ADCY2: variants seen among roughly 807,000 people sequenced by gnomAD.
ADCY2 encodes the protein adenylate cyclase type 2.
ADCY2 carries 31 observed loss-of-function variants against 125.2 expected under a neutral mutation model. That is an observed-to-expected ratio of 0.25 (90% CI 0.19 to 0.33). The LOEUF (loss-of-function observed/expected upper bound fraction) is 0.33, where lower values mean the gene tolerates loss of function less well. Among genes scored for constraint, ADCY2 ranks in the 10% least tolerant of loss-of-function variants. The pLI is 1.00. For synonymous variants in ADCY2, 512 were observed against 548.4 expected, an observed-to-expected ratio of 0.93 and a Z score of 0.93; for missense variants, 904 against 1,418.2, an observed-to-expected ratio of 0.64 and a Z score of 5.82.
intron 1 of ADCY2, among the ~76,000 whole-genome samples, chr5:7,398,709 GTC>G (rs900867603): frequency 1.3e-5 from 2 of 152,184 alleles, no homozygotes; most frequent in African/African-American, 4.8e-5. Context: ...GGGTTACTCA[GTC>G]TGATAGAAAA....
intron 15 of ADCY2, among the ~76,000 whole-genome samples, chr5:7,750,349 G>A (rs1344774871): frequency 1.3e-5 from 2 of 152,032 alleles, no homozygotes; most frequent in African/African-American, 4.8e-5. Context: ...CCACTTTCTT[G>A]TTGAACAATA....
intron 3 of ADCY2, among the ~76,000 whole-genome samples, chr5:7,582,252 A>G (rs1378332652): frequency 6.6e-6 from 1 of 152,216 alleles, no homozygotes; most frequent in Non-Finnish European, 1.5e-5. Context: ...CCTTAAAAGC[A>G]TAAGGATCCA....
chr5:7,507,440 C>CAAAAAAAAAAAA (rs766601693), intron 2 of ADCY2, among the ~76,000 whole-genome samples: 11 of 46,972 alleles, frequency 2.3e-4, no homozygotes, highest in Non-Finnish European at 3.2e-4. Flanking sequence ...GACTCCGTCT[C>CAAAAAAAAAAAA]AAAAAAAAAA....
At chr5:7,429,502 A>G (rs1437011367) in intron 2 of ADCY2, among the ~76,000 whole-genome samples, 3 of 152,202 alleles carry the variant, frequency 2.0e-5, no homozygotes, top group Non-Finnish European at 4.4e-5. Context: ...ACTAAGATAG[A>G]CCATATTCTG....
chr5:7,650,695 A>G (rs1228937974), intron 4 of ADCY2, among the ~76,000 whole-genome samples: 1 of 152,212 alleles, frequency 6.6e-6, no homozygotes, highest in Non-Finnish European at 1.5e-5. Flanking sequence ...TGAAATAATG[A>G]GGACAGAGTG....
chr5:7,756,787 C>A (rs957885945), intron 15 of ADCY2, among the ~76,000 whole-genome samples: 1 of 152,164 alleles, frequency 6.6e-6, no homozygotes, highest in South Asian at 2.1e-4. Context: ...CACTACTGAA[C>A]TGTACACTTG....
chr5:7,623,120 C>T (rs13356658), intron 3 of ADCY2, among the ~76,000 whole-genome samples: 2,232 of 152,306 alleles, frequency 0.015, 54 homozygotes, highest in African/African-American at 0.049. Flanking sequence ...TTTCTATGCC[C>T]TGCAGAGGAA....
At chr5:7,403,937 T>TACACAC (rs370540720) in intron 1 of ADCY2, among the ~76,000 whole-genome samples, 26,905 of 140,288 alleles carry the variant, frequency 0.19, 2,677 homozygotes, top group Non-Finnish European at 0.25. Flanking sequence ...CTTTCAATGC[T>TACACAC]ACACACACAC....
At chr5:7,624,313 A>T (rs562275924) in intron 3 of ADCY2, among the ~76,000 whole-genome samples, 1 of 152,304 alleles carries the variant, frequency 6.6e-6, no homozygotes, top group East Asian at 1.9e-4. Context: ...ATGTCACCTT[A>T]TTACACTTAC....
chr5:7,507,461 AGG>A (rs1743881518), intron 2 of ADCY2, among the ~76,000 whole-genome samples: 1 of 114,112 alleles, frequency 8.8e-6, no homozygotes, highest in African/African-American at 3.3e-5. Flanking sequence ...AAAAAAAAAA[AGG>A]TAACAAAGCC....
chr5:7,777,464 A>G (rs1743768805), intron 18 of ADCY2, among the ~76,000 whole-genome samples: 1 of 152,200 alleles, frequency 6.6e-6, no homozygotes, highest in African/African-American at 2.4e-5. Flanking sequence ...GCTTCCTGAA[A>G]TCTCTTCGCC....
chr5:7,655,091 G>A (rs916659204), intron 4 of ADCY2, among the ~76,000 whole-genome samples: 2 of 152,140 alleles, frequency 1.3e-5, no homozygotes, highest in Admixed American at 6.5e-5. Context: ...GGCTTTTGTC[G>A]TGGAAGTCGT....
chr5:7,713,901 A>G (rs1313935337), intron 11 of ADCY2, among the ~76,000 whole-genome samples: 2 of 152,180 alleles, frequency 1.3e-5, no homozygotes, highest in Admixed American at 6.5e-5. Context: ...CCTATTTTCT[A>G]TAGAAAAGGA....
chr5:7,664,397 G>A lies in ADCY2; in HGVS notation c.721-26294G>A, dbSNP rs1297492414. 5.3e-5 allele frequency among the ~76,000 whole-genome samples: 8 copies of A among 152,180 alleles called. No individual in the cohort carries two copies. In the East Asian group the frequency reaches 1.5e-3, roughly 29 times the overall value. ...TCACTTTCAGAGAGCGATGGTAAGGGAGGACTTTCCCTTCAGGAATGGAAA... is the reference window on the plus strand; with the variant it reads ...TCACTTTCAGAGAGCGATGGTAAGGAAGGACTTTCCCTTCAGGAATGGAAA... On this transcript the variant is annotated intron_variant, in intron 4 of 24. Transcript: ENST00000338316.
intron 3 of ADCY2, among the ~76,000 whole-genome samples, chr5:7,591,538 G>A (rs541666610): frequency 2.0e-5 from 3 of 152,066 alleles, no homozygotes; most frequent in Non-Finnish European, 4.4e-5. Context: ...TCTCTTATCT[G>A]TCTACCTCAA....
intron 15 of ADCY2, among the ~76,000 whole-genome samples, chr5:7,752,908 T>C (rs1295956328): frequency 6.7e-6 from 1 of 149,660 alleles, no homozygotes; most frequent in African/African-American, 2.5e-5. Flanking sequence ...TTTTTTTTTT[T>C]TTTTTTCTGA....
chr5:7,784,480 T>TAAACAG, intron 19 of ADCY2, 31 bp downstream of exon 19: 1 of 1,521,002 alleles, frequency 6.6e-7, no homozygotes. Context: ...TATGTATGTA[T>TAAACAG]ACCTTCTCTA....
At chr5:7,555,554 T>C (rs1459552393) in intron 3 of ADCY2, among the ~76,000 whole-genome samples, 1 of 152,206 alleles carries the variant, frequency 6.6e-6, no homozygotes, top group Non-Finnish European at 1.5e-5. Flanking sequence ...TTAAATATAA[T>C]TGTATATGTC....
Position 7,709,471 on chromosome 5 carries a change from A to AT in ADCY2, c.1578+85dup. On this transcript the variant is annotated intron_variant, in intron 10 of 24. Coordinates refer to ENST00000338316, the MANE Select transcript of ADCY2 (RefSeq NM_020546.3). The surrounding 1 kb of genome is among the most constrained non-coding windows in gnomAD (Gnocchi z 4.4). ...CAAAGGCTGGGCATCTCCTGCCAAA[A>AT]TAACTCCTTTCTGTAAGAAACAAAC... The AT allele has an allele frequency of 7.1e-7, 1 of 1,407,188 alleles. No individual in the cohort carries two copies. The allele number at this position is 1,407,188 out of a possible 1,614,324, so 87.2% of individuals were successfully genotyped here. A position where few individuals can be genotyped will look rare whatever the true frequency, so the allele number is the denominator to read the frequency against.
Sources: gnomAD v4.1 joint callset for allele counts (sites outside exome capture counted in the v4.1 genomes callset) on GRCh38, gnomAD v4.1.1 for gene constraint, Gnocchi (gnomAD v3.1) non-coding constraint, MANE v1.5 for transcripts, NCBI Gene and HGNC (gene_info 2026-07-23, HGNC 2026-07-21) for gene names.